Variants in SOS1 observed in about 807,000 individuals in gnomAD.
SOS1 encodes SOS Ras/Rac guanine nucleotide exchange factor 1, also known as son of sevenless homolog 1.
Under a neutral mutation model 157.6 loss-of-function variants are expected in SOS1, and 25 were observed. The observed-to-expected ratio is 0.16, with a 90% CI of 0.12 to 0.22. SOS1 has a LOEUF of 0.22. Ranked by LOEUF, SOS1 falls within the 10% of genes least tolerant of loss-of-function variation. The pLI is 1.00. For synonymous variants in SOS1, 528 were observed against 534.0 expected (o/e 0.99, Z 0.16); for missense variants, 1,237 against 1,599.1 (o/e 0.77, Z 3.86).
intron 1 of SOS1, among the ~76,000 whole-genome samples, chr2:39,097,980 T>C (rs1251205227): frequency 2.0e-5 from 3 of 152,222 alleles, no homozygotes; most frequent in Non-Finnish European, 4.4e-5. Context: ...TATTAGGAAA[T>C]GTTTATATCA....
In SOS1 at chr2:38,997,349, T is replaced by A. The variant is rs758834690; in HGVS notation, c.2868A>T (p.Ile956=). The change falls in exon 18 of 23, where the codon ATA becomes ATT. Residue 956 remains isoleucine, a synonymous_variant. Transcript: ENST00000402219. ...CTACTTTCCTCCTTTTGCTAAAGTTTATAAGCTCTTTTCCATGTCTTTTTA... is the reference window on the plus strand; with the variant it reads ...CTACTTTCCTCCTTTTGCTAAAGTTAATAAGCTCTTTTCCATGTCTTTTTA... ...EVLKRHGKEL[I]NFSKRRKVAE... is the part of the protein sequence containing the mutation. 3 of 1,612,890 alleles carry A rather than the reference T, an allele frequency of 1.9e-6. No homozygotes were observed. The highest frequency in any genetic ancestry group is 2.5e-6 in the Non-Finnish European group (3 of 1,179,194).
rs1480253156 is a variant in SOS1, at chr2:39,023,039, G to C, written c.1389C>G (p.Leu463=). 6.2e-7 allele frequency: 1 copy of C among 1,613,724 alleles called. No individual in the cohort carries two copies. The highest frequency in any genetic ancestry group is 1.7e-5 in the Admixed American group (1 of 59,992). The change falls in exon 10 of 23, where the codon CTC becomes CTG. Residue 463 remains leucine, a synonymous_variant. Transcript: ENST00000402219. ...VGAKHERHIF[L]FDGLMICCKS... is the part of the protein sequence containing the mutation. ...TACAGCAAATCATTAAGCCATCAAA[G>C]AGAAATATGTGTCTCTCATGTTTGG...
chr2:39,048,809 G>A (rs1670892307), intron 6 of SOS1, among the ~76,000 whole-genome samples: 1 of 152,004 alleles, frequency 6.6e-6, no homozygotes, highest in Admixed American at 6.6e-5. Flanking sequence ...TTTTTGATTT[G>A]GGAACTAATG....
intron 6 of SOS1, among the ~76,000 whole-genome samples, chr2:39,040,063 G>A (rs1417172356): frequency 2.0e-5 from 3 of 151,894 alleles, no homozygotes; most frequent in Non-Finnish European, 4.4e-5. Flanking sequence ...CCAGGCTGGA[G>A]TGCAGTGGCG....
At chr2:39,094,445 A>C (rs1672701226) in intron 1 of SOS1, among the ~76,000 whole-genome samples, 1 of 152,100 alleles carries the variant, frequency 6.6e-6, no homozygotes, top group Admixed American at 6.6e-5. Context: ...CAGGAGTTCA[A>C]GACCAGCCTG....
At chr2:39,007,681 A>AT (rs1669324824) in intron 15 of SOS1, among the ~76,000 whole-genome samples, 1 of 152,202 alleles carries the variant, frequency 6.6e-6, no homozygotes, top group African/African-American at 2.4e-5. Flanking sequence ...TACGAACAGC[A>AT]TTAAATGTAA....
At chr2:38,996,071 G>GT (rs1254662136) in intron 19 of SOS1, among the ~76,000 whole-genome samples, 1 of 151,762 alleles carries the variant, frequency 6.6e-6, no homozygotes, top group Admixed American at 6.6e-5. Flanking sequence ...AGCCATCTAT[G>GT]TTTAATTCAG....
At position 39,103,960 on chromosome 2, in the gene SOS1, T is replaced by C. The variant is rs188844665; in HGVS notation, c.87+16376A>G. 1.7e-4 allele frequency among the ~76,000 whole-genome samples: 26 copies of C among 152,176 alleles called. No homozygotes were observed. The East Asian group carries it at 4.8e-3, about 28-fold the overall frequency. On this transcript the variant is annotated intron_variant, in intron 1 of 22. Coordinates refer to ENST00000402219, the MANE Select transcript of SOS1 (RefSeq NM_005633.4). Reference sequence around the variant, plus strand: ...AATAAGGATCTCCTAAAACTCAACATCAAAAACACAAACAACCAAATTAAA... The same window carrying C: ...AATAAGGATCTCCTAAAACTCAACACCAAAAACACAAACAACCAAATTAAA...
At chr2:39,039,979 G>A (rs1670500549) in intron 6 of SOS1, among the ~76,000 whole-genome samples, 1 of 152,020 alleles carries the variant, frequency 6.6e-6, no homozygotes, top group Non-Finnish European at 1.5e-5. Context: ...GTTCATCCAT[G>A]TTGTAGCATG....
chr2:39,041,066 T>G (rs1369363074), intron 6 of SOS1, among the ~76,000 whole-genome samples: 2 of 152,266 alleles, frequency 1.3e-5, no homozygotes, highest in Admixed American at 1.3e-4. Flanking sequence ...TGCATAATGT[T>G]TTTTCTTTTA....
intron 15 of SOS1, 103 bp downstream of exon 15, chr2:39,010,481 G>A: frequency 9.2e-7 from 1 of 1,090,568 alleles, no homozygotes; most frequent in South Asian, 1.3e-5. Context: ...CAGCCTATGT[G>A]ACAGAGCAAA....
intron 1 of SOS1, among the ~76,000 whole-genome samples, chr2:39,103,832 G>T (rs964752391): frequency 6.6e-6 from 1 of 152,116 alleles, no homozygotes; most frequent in Non-Finnish European, 1.5e-5. Flanking sequence ...TTCATCAGAG[G>T]ACATTATCAA....
rs865780295 is a variant in SOS1 at position 39,013,612 on chromosome 2, T to G, written c.2064-49A>C. Reference sequence around the variant, plus strand: ...ATTACATGGGAATCAAACATAAATGTTTATCACAATGCACAGTACAATACA... The same window carrying G: ...ATTACATGGGAATCAAACATAAATGGTTATCACAATGCACAGTACAATACA... On this transcript the variant is annotated intron_variant, in intron 12 of 22. Transcript: ENST00000402219. The G allele has an allele frequency of 6.8e-6, 8 of 1,180,754 alleles. No homozygotes were observed. The Middle Eastern group carries it at 1.5e-3, about 229-fold the overall frequency. 73.1% of individuals were successfully genotyped at this position (1,180,754 alleles called of 1,614,324 possible).
At chr2:39,084,731 T>A (rs1284964378) in intron 1 of SOS1, among the ~76,000 whole-genome samples, 2 of 152,218 alleles carry the variant, frequency 1.3e-5, no homozygotes, top group African/African-American at 4.8e-5. Flanking sequence ...ACTATACACA[T>A]CAAATTCCAA....
chr2:39,008,526 A>C (rs1669353713), intron 15 of SOS1, among the ~76,000 whole-genome samples: 1 of 152,228 alleles, frequency 6.6e-6, no homozygotes, highest in Admixed American at 6.5e-5. Flanking sequence ...AGATTTGTGG[A>C]TCTAATGAAG....
chr2:39,003,013 C>T (rs1669157213), intron 17 of SOS1, among the ~76,000 whole-genome samples: 1 of 146,512 alleles, frequency 6.8e-6, no homozygotes. Context: ...TGCAGTGAGC[C>T]AAGATGGTGC....
intron 9 of SOS1, 46 bp from the exon 10 acceptor site, chr2:39,023,271 C>T (rs1161365014): frequency 6.9e-7 from 1 of 1,451,692 alleles, no homozygotes; most frequent in African/African-American, 1.4e-5. Flanking sequence ...TGACAGAAAA[C>T]CTAGAGCTCA....
intron 1 of SOS1, among the ~76,000 whole-genome samples, chr2:39,074,905 AG>A (rs1273439135): frequency 2.0e-5 from 3 of 151,912 alleles, no homozygotes; most frequent in Admixed American, 2.0e-4. Context: ...ACAGAGACTA[AG>A]AACAAAATGA....
intron 20 of SOS1, among the ~76,000 whole-genome samples, chr2:38,991,539 C>G (rs1668732960): frequency 6.6e-6 from 1 of 152,184 alleles, no homozygotes; most frequent in Admixed American, 6.5e-5. Flanking sequence ...GTGGTCTTTT[C>G]TCTTTTCTCA....
Sources: gnomAD v4.1 joint callset for allele counts (sites outside exome capture counted in the v4.1 genomes callset) on GRCh38, gnomAD v4.1.1 for gene constraint, MANE v1.5 for transcripts, NCBI Gene and HGNC (gene_info 2026-07-23, HGNC 2026-07-21) for gene names.